TMEM269: variants seen among roughly 807,000 people sequenced by gnomAD.
The protein encoded by TMEM269 is transmembrane protein 269.
In TMEM269, 12 loss-of-function variants were observed where a neutral mutation model predicts 15.8. That is an observed-to-expected ratio of 0.76 (90% confidence interval 0.49 to 1.23). The LOEUF (loss-of-function observed/expected upper bound fraction) is 1.23. Ranked by LOEUF, TMEM269 falls within the 50% of genes most tolerant of loss-of-function variation. The probability of loss-of-function intolerance (pLI) is 0.00; values close to 1 mark genes in which losing one functional copy is unlikely to be tolerated. For missense variants in TMEM269, 211 were observed against 245.4 expected, an observed-to-expected ratio of 0.86 and a Z score of 0.94; for synonymous variants, 93 against 99.3, an observed-to-expected ratio of 0.94 and a Z score of 0.38.
Position 42,798,274 on chromosome 1 carries a change from G to A in TMEM269, c.*49G>A, listed in dbSNP as rs1430186534. The A allele has an allele frequency of 6.5e-7, 1 of 1,538,366 alleles. No homozygotes were observed. The highest frequency in any genetic ancestry group is 2.4e-5 in the East Asian group (1 of 40,892). ...TCCTGCCGGCCTCTGTGGGGTTTGTGTCAGCATATTGGGTCAAGCCTGCAC... is the reference window on the plus strand; with the variant it reads ...TCCTGCCGGCCTCTGTGGGGTTTGTATCAGCATATTGGGTCAAGCCTGCAC... On this transcript the variant is annotated 3_prime_UTR_variant, in exon 6 of 6. Coordinates refer to ENST00000637012, the MANE Select transcript of TMEM269 (RefSeq NM_001354602.2).
rs984333976 is a variant in TMEM269, at chr1:42,793,693, G to A, written c.232G>A (p.Ala78Thr). Residue 78 changes from alanine to threonine, a missense_variant, in exon 4 of 6, where the codon GCC becomes ACC. By Grantham distance (58) the Ala-to-Thr change is moderately conservative. Coordinates refer to ENST00000637012, the MANE Select transcript of TMEM269 (RefSeq NM_001354602.2). The stretch of plus-strand genomic sequence containing the variant: ...GGATGGACTTCTGAGTGGGATCCTG[G>A]CCATCATCTATGTGTCAGCTGCTTC... ...GVDGLLSGIL[A>T]IIYVSAASFH... The A allele has an allele frequency of 1.3e-6, 2 of 1,550,478 alleles. No homozygotes were observed. The highest frequency in any genetic ancestry group is 2.7e-5 in the African/African-American group (2 of 73,046).
intron 1 of TMEM269, among the ~76,000 whole-genome samples, 165 bp downstream of exon 1, chr1:42,785,247 C>G (rs1653518271): frequency 6.6e-6 from 1 of 152,174 alleles, no homozygotes; most frequent in South Asian, 2.1e-4. Flanking sequence ...CCCCAGAGGC[C>G]GGCCCTCCGT....
At chr1:42,796,858 A>T (rs1483948431) in intron 5 of TMEM269, 1 of 152,066 alleles carries the variant, frequency 6.6e-6, no homozygotes, top group Non-Finnish European at 1.5e-5. Flanking sequence ...ATATGTTCTG[A>T]TTTCTCTTAC....
Position 42,797,969 on chromosome 1 carries a change from TTC to T in TMEM269, c.485-127_485-126del, listed in dbSNP as rs1012941846. The T allele has an allele frequency of 2.9e-6, 3 of 1,040,926 alleles. No homozygotes were observed. The African/African-American group carries it at 4.8e-5, about 17-fold the overall frequency. The allele number at this position is 1,040,926 out of a possible 1,614,324, so 64.5% of individuals were successfully genotyped here. On this transcript the variant is annotated intron_variant, in intron 5 of 5. Transcript: ENST00000637012. This position sits in a 1 kb window ranked among gnomAD's most constrained non-coding sequence, Gnocchi z 4.9. ...ACTTGAAGACAGGGCTCCTGTCTCT[TTC>T]TGTTTGTTTCTTAGGCACTGTGGGT...
chr1:42,787,322 C>G (rs573815578), intron 1 of TMEM269, among the ~76,000 whole-genome samples: 1 of 151,518 alleles, frequency 6.6e-6, no homozygotes, highest in Admixed American at 6.6e-5. Flanking sequence ...CTTGCCTGGC[C>G]GGGCGCGGTG....
rs1474352033 is a variant in TMEM269, at chr1:42,788,619, G to T, written c.-98-1177G>T. Among the ~76,000 whole-genome samples, 2 of 152,184 alleles carry T rather than the reference G, an allele frequency of 1.3e-5. No individual in the cohort carries two copies. Among genetic ancestry groups the T allele is most frequent in the Non-Finnish European group, 2.9e-5 (2 of 68,032 alleles). The stretch of plus-strand genomic sequence containing the variant: ...TGGACGGTCCCACACACACAGGGAG[G>T]CTGCTGCTGCCTCGCAGGCCTGGCC... On this transcript the variant is annotated intron_variant, in intron 1 of 5. Transcript: ENST00000637012. The surrounding 1 kb of genome is among the most constrained non-coding windows in gnomAD (Gnocchi z 4.0).
rs1653866128 is a variant in TMEM269 at position 42,800,271 on chromosome 1, A to G, written c.*2046A>G. On this transcript the variant is annotated 3_prime_UTR_variant, in exon 6 of 6. Coordinates refer to ENST00000637012, the MANE Select transcript of TMEM269 (RefSeq NM_001354602.2). ...TGACAGCCGGTTAACAGAGGGATCTATGCTTCCTTGCACCTCTCTGAGAGT... is the reference window on the plus strand; with the variant it reads ...TGACAGCCGGTTAACAGAGGGATCTGTGCTTCCTTGCACCTCTCTGAGAGT... 6.6e-6 allele frequency: 1 copy of G among 152,200 alleles called. No individual in the cohort carries two copies. Among genetic ancestry groups the G allele is most frequent in the South Asian group, 2.1e-4 (1 of 4,830 alleles). 9.4% of individuals were successfully genotyped at this position (152,200 alleles called of 1,614,324 possible). A position where few individuals can be genotyped will look rare whatever the true frequency, so the allele number is the denominator to read the frequency against.
At position 42,798,192 on chromosome 1, in the gene TMEM269, G is replaced by A; in HGVS notation, c.579G>A (p.Trp193Ter). The change falls in exon 6 of 6, where the codon TGG becomes TGA. Residue 193 changes from tryptophan to a stop codon, truncating the protein, a stop_gained. Transcript: ENST00000637012. LOFTEE classifies it low-confidence loss of function (END_TRUNC). ...ACATCTTCTTTCCAGATGCTCTGTG[G>A]GGCAAGGCAGCCTGTCTTTCGCCAC... ...LSYIFFPDAL[W>*]GKAACLSPQH 1 of 1,548,580 alleles carries A rather than the reference G, an allele frequency of 6.5e-7. No individual in the cohort carries two copies. The highest frequency in any genetic ancestry group is 1.4e-5 in the African/African-American group (1 of 73,106).
rs577669406 is a variant in TMEM269, at chr1:42,797,715, A to G, written c.485-383A>G. The stretch of plus-strand genomic sequence containing the variant: ...TGCACGTAAACTCTTTTCTGCATAC[A>G]TATCATACTGCATTGGTCGTTATCA... On this transcript the variant is annotated intron_variant, in intron 5 of 5. Coordinates refer to ENST00000637012, the MANE Select transcript of TMEM269 (RefSeq NM_001354602.2). The surrounding 1 kb of genome is among the most constrained non-coding windows in gnomAD (Gnocchi z 4.9). The G allele has an allele frequency of 1.1e-5, 5 of 445,336 alleles. No individual in the cohort carries two copies. The highest frequency in any genetic ancestry group is 3.4e-5 in the South Asian group (2 of 59,510). 27.6% of individuals were successfully genotyped at this position (445,336 alleles called of 1,614,324 possible).
rs1198798474 is a variant in TMEM269 at position 42,797,537 on chromosome 1, G to A, written c.485-561G>A. On this transcript the variant is annotated intron_variant, in intron 5 of 5. Transcript: ENST00000637012. The surrounding 1 kb of genome is among the most constrained non-coding windows in gnomAD (Gnocchi z 4.9). Reference sequence around the variant, plus strand: ...GAAGGAAACCAGGTGTTACCACCGTGCTTATATGGACAGTCTAGGAACAGT... The same window carrying A: ...GAAGGAAACCAGGTGTTACCACCGTACTTATATGGACAGTCTAGGAACAGT... 6.6e-6 allele frequency among the ~76,000 whole-genome samples: 1 copy of A among 152,190 alleles called. No individual in the cohort carries two copies. Among genetic ancestry groups the A allele is most frequent in the Non-Finnish European group, 1.5e-5 (1 of 68,028 alleles).
intron 5 of TMEM269, among the ~76,000 whole-genome samples, chr1:42,795,044 G>A (rs2760079): frequency 0.97 from 148,216 of 152,318 alleles, 72,234 homozygotes; most frequent in African/African-American, 0.99. Context: ...CTAGAAACAT[G>A]TAGGTTTACT....
chr1:42,787,586 G>A (rs913329381), intron 1 of TMEM269, among the ~76,000 whole-genome samples: 6 of 126,346 alleles, frequency 4.7e-5, no homozygotes, highest in Admixed American at 3.9e-4. Flanking sequence ...CGGCCTGGGC[G>A]ACAGAGCGAG....
In TMEM269 at chr1:42,788,940, T is replaced by A. The variant is rs1653597870; in HGVS notation, c.-98-856T>A. Among the ~76,000 whole-genome samples the A allele has an allele frequency of 6.6e-6, 1 of 150,936 alleles. No homozygotes were observed. The highest frequency in any genetic ancestry group is 2.4e-5 in the African/African-American group (1 of 40,900). On this transcript the variant is annotated intron_variant, in intron 1 of 5. Transcript: ENST00000637012. The surrounding 1 kb of genome is among the most constrained non-coding windows in gnomAD (Gnocchi z 4.0). ...TTGTACACTTTTTTTTTTTTTTTTT[T>A]AGACAGAGTCTCACTCGGTCACCCA...
At chr1:42,789,468 C>T (rs1653640760) in intron 1 of TMEM269, 1 of 1,535,546 alleles carries the variant, frequency 6.5e-7, no homozygotes, top group Non-Finnish European at 8.7e-7. Context: ...GCATTCTGGG[C>T]CATGGGGCTT....
intron 5 of TMEM269, among the ~76,000 whole-genome samples, chr1:42,795,518 G>C (rs1653775926): frequency 6.6e-6 from 1 of 152,234 alleles, no homozygotes; most frequent in East Asian, 1.9e-4. Flanking sequence ...GATGAGAGGT[G>C]ATGGTGGCAG....
chr1:42,791,711 TAA>T (rs1653689178), intron 2 of TMEM269, among the ~76,000 whole-genome samples: 1 of 151,984 alleles, frequency 6.6e-6, no homozygotes, highest in Non-Finnish European at 1.5e-5. Flanking sequence ...AAGTAAAAAG[TAA>T]AAATCAGGCC....
intron 2 of TMEM269, 30 bp downstream of exon 2, chr1:42,789,964 C>T: frequency 6.7e-7 from 1 of 1,482,108 alleles, no homozygotes; most frequent in African/African-American, 1.4e-5. Context: ...AGCTCTTAGC[C>T]AAGAGCTGGA....
Position 42,788,753 on chromosome 1 carries a change from T to C in TMEM269, c.-98-1043T>C, listed in dbSNP as rs1396169914. Among the ~76,000 whole-genome samples, 1 of 152,178 alleles carries C rather than the reference T, an allele frequency of 6.6e-6. No individual in the cohort carries two copies. The highest frequency in any genetic ancestry group is 1.5e-5 in the Non-Finnish European group (1 of 68,040). ...CAAACAGATGGGATTTGGTTCTACT[T>C]ACCATGTGACTTTGAGCAAGTATCT... On this transcript the variant is annotated intron_variant, in intron 1 of 5. Transcript: ENST00000637012. The surrounding 1 kb of genome is among the most constrained non-coding windows in gnomAD (Gnocchi z 4.0).
intron 2 of TMEM269, among the ~76,000 whole-genome samples, chr1:42,790,536 G>C (rs200126140): frequency 2.0e-5 from 3 of 150,988 alleles, no homozygotes; most frequent in African/African-American, 7.3e-5. Context: ...CTAAGTCTTG[G>C]TTTTTGGAGT....
Sources: gnomAD v4.1 joint callset for allele counts (sites outside exome capture counted in the v4.1 genomes callset) on GRCh38, gnomAD v4.1.1 for gene constraint, Gnocchi (gnomAD v3.1) non-coding constraint, MANE v1.5 for transcripts, NCBI Gene and HGNC (gene_info 2026-07-23, HGNC 2026-07-21) for gene names.